The following DLGAP4 variants were observed in gnomAD, a reference collection of about 807,000 sequenced individuals.
DLGAP4 encodes disks large-associated protein 4.
A neutral mutation model predicts 86.9 loss-of-function variants in DLGAP4; 18 were observed. The ratio of observed to expected loss-of-function variants is 0.21; its 90% CI spans 0.14 to 0.31. The LOEUF (loss-of-function observed/expected upper bound fraction) is 0.31, where lower values mean the gene tolerates loss of function less well. Among genes scored for constraint, DLGAP4 ranks in the 10% least tolerant of loss-of-function variants. The probability of loss-of-function intolerance (pLI) is 1.00; values close to 1 mark genes in which losing one functional copy is unlikely to be tolerated. For synonymous variants in DLGAP4, 548 were observed against 574.3 expected, an observed-to-expected ratio of 0.95 and a Z score of 0.65; for missense variants, 1,085 against 1,362.6, an observed-to-expected ratio of 0.80 and a Z score of 3.21.
intron 5 of DLGAP4, among the ~76,000 whole-genome samples, chr20:36,440,445 C>A (rs765566364): frequency 6.6e-6 from 1 of 152,174 alleles, no homozygotes; most frequent in Non-Finnish European, 1.5e-5. Context: ...TGCTCCCAGG[C>A]GCAGCCAGCC....
intron 7 of DLGAP4, chr20:36,462,477 C>T (rs1194791879): frequency 1.3e-6 from 2 of 1,570,288 alleles, no homozygotes; most frequent in African/African-American, 1.4e-5. Flanking sequence ...TCAGCCCTAG[C>T]CCCCTGTCTC....
chr20:36,460,229 G>T (rs2033987706), intron 7 of DLGAP4, among the ~76,000 whole-genome samples: 1 of 152,170 alleles, frequency 6.6e-6, no homozygotes, highest in South Asian at 2.1e-4. Context: ...ACTTTGGGAG[G>T]CCGAGGTGGG....
chr20:36,507,218 T>TTTTTGTTTTG (rs529394477), intron 10 of DLGAP4, among the ~76,000 whole-genome samples: 1 of 151,872 alleles, frequency 6.6e-6, no homozygotes, highest in African/African-American at 2.4e-5. Context: ...AGTTGTTTTT[T>TTTTTGTTTTG]TTTTGTTTTG....
At chr20:36,421,273 T>G (rs2032817068) in intron 2 of DLGAP4, among the ~76,000 whole-genome samples, 1 of 151,948 alleles carries the variant, frequency 6.6e-6, no homozygotes, top group South Asian at 2.1e-4. Flanking sequence ...CTGGCCAACA[T>G]GGTGAACCCC....
At chr20:36,461,546 A>C in intron 7 of DLGAP4, 10 of 966,372 alleles carry the variant, frequency 1.0e-5, no homozygotes, top group Non-Finnish European at 1.2e-5. Context: ...CGCCGCCGCC[A>C]GTCCGTCCGT....
At position 36,403,450 on chromosome 20, in the gene DLGAP4, CCCTGCATGGCCAA is replaced by C. The variant is rs2032222352; in HGVS notation, c.-72-28193_-72-28181del. The stretch of plus-strand genomic sequence containing the variant: ...CAGTCAGACCATAGCAGAATGCAAT[CCCTGCATGGCCAA>C]CCAAGGGCAAAGGGAGCTTGTGTTA... On this transcript the variant is annotated intron_variant, in intron 2 of 12. Transcript: ENST00000339266. Among the ~76,000 whole-genome samples, 7 of 152,200 alleles carry C rather than the reference CCCTGCATGGCCAA, an allele frequency of 4.6e-5. No homozygotes were observed. In the South Asian group the frequency reaches 1.4e-3, roughly 31 times the overall value.
At chr20:36,368,588 G>A (rs1309376860) in intron 2 of DLGAP4, among the ~76,000 whole-genome samples, 1 of 152,150 alleles carries the variant, frequency 6.6e-6, no homozygotes, top group Non-Finnish European at 1.5e-5. Context: ...CTGTTGTTGC[G>A]GCTGCAAATA....
chr20:36,524,526 C>A (rs2037582988), intron 11 of DLGAP4, among the ~76,000 whole-genome samples, 185 bp downstream of exon 11: 1 of 152,172 alleles, frequency 6.6e-6, no homozygotes, highest in South Asian at 2.1e-4. Flanking sequence ...CAAAAGTGGC[C>A]CTATCAGATC....
chr20:36,349,915 G>A (rs1238017459), intron 1 of DLGAP4, among the ~76,000 whole-genome samples: 4 of 152,162 alleles, frequency 2.6e-5, no homozygotes, highest in Admixed American at 6.5e-5. Context: ...GGGATGGGCT[G>A]TCCTCCCCTG....
At chr20:36,466,581 G>T (rs147149836) in intron 7 of DLGAP4, among the ~76,000 whole-genome samples, 2 of 152,340 alleles carry the variant, frequency 1.3e-5, no homozygotes, top group East Asian at 3.9e-4. Context: ...AGACCTGACT[G>T]TGGCTGCCTT....
chr20:36,460,454 C>A (rs1296863210), intron 7 of DLGAP4, among the ~76,000 whole-genome samples: 1 of 152,248 alleles, frequency 6.6e-6, no homozygotes, highest in Non-Finnish European at 1.5e-5. Flanking sequence ...AATGCAAAAA[C>A]CATGACAGTG....
At chr20:36,456,842 G>A (rs575933375) in intron 7 of DLGAP4, among the ~76,000 whole-genome samples, 2 of 152,224 alleles carry the variant, frequency 1.3e-5, no homozygotes, top group African/African-American at 4.8e-5. Context: ...CCCCTCAGGG[G>A]GTAGAGAAGT....
rs530406287 is a variant in DLGAP4, at chr20:36,402,132, C to T, written c.-72-29514C>T. 2.0e-5 allele frequency among the ~76,000 whole-genome samples: 3 copies of T among 152,208 alleles called. No homozygotes were observed. In the East Asian group the frequency reaches 5.8e-4, roughly 29 times the overall value. The stretch of plus-strand genomic sequence containing the variant: ...ACACATGTCATGCCAGTGGGAGGGC[C>T]CCCAAGTCAGCGCAGATGCAAACCT... On this transcript the variant is annotated intron_variant, in intron 2 of 12. Coordinates refer to ENST00000339266, the MANE Select transcript of DLGAP4 (RefSeq NM_001365621.2).
intron 7 of DLGAP4, among the ~76,000 whole-genome samples, chr20:36,468,125 G>A (rs902531413): frequency 2.0e-5 from 3 of 152,232 alleles, no homozygotes; most frequent in Non-Finnish European, 4.4e-5. Flanking sequence ...ATTCCTTAAA[G>A]GTGGAAGAGT....
At chr20:36,332,817 C>A (rs568876013) in intron 1 of DLGAP4, among the ~76,000 whole-genome samples, 1 of 152,086 alleles carries the variant, frequency 6.6e-6, no homozygotes, top group Non-Finnish European at 1.5e-5. Context: ...CCCAGCCCCC[C>A]ACCAGTCAAG....
At chr20:36,499,172 TTGTGTGTG>T in intron 8 of DLGAP4, 12 of 1,286,214 alleles carry the variant, frequency 9.3e-6, no homozygotes, top group Non-Finnish European at 1.3e-5. Context: ...GGCTGTGGCT[TTGTGTGTG>T]TGTGTGTGTT....
intron 4 of DLGAP4, 103 bp downstream of exon 4, chr20:36,436,453 T>A: frequency 7.0e-7 from 1 of 1,422,684 alleles, no homozygotes; most frequent in Non-Finnish European, 9.2e-7. Flanking sequence ...AAGCCCCGCC[T>A]GCGTGGGAGC....
intron 7 of DLGAP4, among the ~76,000 whole-genome samples, chr20:36,489,083 A>C (rs1347456109): frequency 6.6e-6 from 1 of 152,222 alleles, no homozygotes; most frequent in Admixed American, 6.5e-5. Flanking sequence ...CACAAATGGG[A>C]AAAGTATAGC....
intron 1 of DLGAP4, among the ~76,000 whole-genome samples, chr20:36,331,283 A>G (rs2065265270): frequency 6.6e-6 from 1 of 152,176 alleles, no homozygotes; most frequent in East Asian, 1.9e-4. Flanking sequence ...AGAGTGTGAG[A>G]GGCCAGGTGG....
Sources: allele counts gnomAD v4.1 joint callset (sites outside exome capture counted in the v4.1 genomes callset), GRCh38; gene constraint gnomAD v4.1.1; transcripts MANE v1.5; gene names NCBI Gene and HGNC (gene_info 2026-07-23, HGNC 2026-07-21).